Variants in ZNF667 observed in about 807,000 individuals in gnomAD.
ZNF667 encodes zinc finger protein 667.
A neutral mutation model predicts 31.8 loss-of-function variants in ZNF667; 13 were observed. The observed-to-expected ratio is 0.41, with a 90% CI of 0.27 to 0.65. The LOEUF is 0.65. Among genes scored for constraint, ZNF667 ranks in the 30% least tolerant of loss-of-function variants. The pLI is 0.32. For missense variants in ZNF667, 642 were observed against 725.6 expected (o/e 0.88, Z 1.32); for synonymous variants, 228 against 247.1 (o/e 0.92, Z 0.73).
intron 6 of ZNF667, among the ~76,000 whole-genome samples, chr19:56,452,828 G>A (rs1398937362): frequency 6.6e-6 from 1 of 151,766 alleles, no homozygotes; most frequent in Non-Finnish European, 1.5e-5. Flanking sequence ...GCTGAGGCAG[G>A]AGAATTGCAT....
rs759046058 is a variant in ZNF667 at position 56,442,104 on chromosome 19, A to C, written c.891T>G (p.Val297=). The change falls in exon 7 of 7, where the codon GTT becomes GTG. Residue 297 remains valine (V), a synonymous_variant. Coordinates refer to ENST00000504904, the MANE Select transcript of ZNF667 (RefSeq NM_001321356.2). ...CTCCAGCATGAATTCTTTTATGTAC[A>C]ACAAAGACTGATTTCTTTTTGAAGC... ...GRGFKKKSVF[V]VHKRIHAGEK... is the part of the protein sequence containing the mutation. 1 of 1,613,848 alleles carries C rather than the reference A, an allele frequency of 6.2e-7. No homozygotes were observed. Among genetic ancestry groups the C allele is most frequent in the Non-Finnish European group, 8.5e-7 (1 of 1,179,944 alleles).
chr19:56,467,193 G>T, intron 3 of ZNF667: 1 of 368,604 alleles, frequency 2.7e-6, no homozygotes, highest in Non-Finnish European at 5.4e-6. Context: ...GCCTGGGAAT[G>T]GGGTGGGGGG....
chr19:56,459,272 C>T (rs1003889386), intron 5 of ZNF667, among the ~76,000 whole-genome samples: 2 of 152,316 alleles, frequency 1.3e-5, no homozygotes, highest in Non-Finnish European at 2.9e-5. Flanking sequence ...TCAGAAACTC[C>T]TGAGGCTGGT....
upstream of ZNF667, chr19:56,477,372 T>G (rs371706543): frequency 6.6e-6 from 1 of 151,640 alleles, no homozygotes; most frequent in African/African-American, 2.4e-5. Flanking sequence ...GACCGCGCGC[T>G]GCACCCCCCT....
chr19:56,451,868 C>CAAAAAAAAAAAAAAAAAAAAAA, intron 6 of ZNF667, among the ~76,000 whole-genome samples: 1 of 80,976 alleles, frequency 1.2e-5, no homozygotes, highest in Non-Finnish European at 2.2e-5. Flanking sequence ...GACCCTGTCT[C>CAAAAAAAAAAAAAAAAAAAAAA]AAAAAAAAAA....
Position 56,441,363 on chromosome 19 carries a change from T to C in ZNF667, c.1632A>G (p.Leu544=), listed in dbSNP as rs61740674. The part of the protein sequence containing the change: ...KAFSQRTSLI[L]HERSHTGEKP... The stretch of plus-strand genomic sequence containing the variant: ...TCTCTCCAGTATGACTTCTTTCATG[T>C]AGAATAAGAGATGTGCGCTGACTAA... Residue 544 remains leucine, a synonymous_variant, in exon 7 of 7, where the codon CTA becomes CTG. Transcript: ENST00000504904. The surrounding 1 kb of genome is among the most constrained non-coding windows in gnomAD (Gnocchi z 4.2). 3.4e-4 allele frequency: 541 copies of C among 1,614,194 alleles called. 3 individuals are homozygous for C. In the African/African-American group the frequency reaches 6.0e-3, roughly 18 times the overall value.
chr19:56,462,935 A>G (rs1394808205), intron 3 of ZNF667, among the ~76,000 whole-genome samples: 1 of 152,190 alleles, frequency 6.6e-6, no homozygotes, highest in Admixed American at 6.5e-5. Flanking sequence ...CATTGAGCTG[A>G]GGTCTAAATA....
chr19:56,461,387 T>C (rs2043041558), intron 4 of ZNF667, among the ~76,000 whole-genome samples: 1 of 152,214 alleles, frequency 6.6e-6, no homozygotes, highest in Admixed American at 6.5e-5. Context: ...GGACTTGACC[T>C]GGCCAGTTGG....
rs192410675 is a variant in ZNF667 at position 56,471,036 on chromosome 19, G to A, written c.-60+663C>T. Among the ~76,000 whole-genome samples the A allele has an allele frequency of 7.2e-5, 11 of 152,236 alleles. No homozygotes were observed. In the East Asian group the frequency reaches 2.1e-3, roughly 29 times the overall value. ...ATCCCCAATGTTGGAAGTGGGACCT[G>A]GTGGGAGGTGACTGGATCTTGGGGG... On this transcript the variant is annotated intron_variant, in intron 3 of 6. Transcript: ENST00000504904.
chr19:56,460,146 C>T (rs954887862), intron 5 of ZNF667, among the ~76,000 whole-genome samples: 5 of 152,040 alleles, frequency 3.3e-5, no homozygotes, highest in Admixed American at 6.5e-5. Flanking sequence ...ATCAAAATAA[C>T]AAGAGTGAAA....
chr19:56,451,742 G>A (rs950783286), intron 6 of ZNF667, among the ~76,000 whole-genome samples: 7 of 151,772 alleles, frequency 4.6e-5, no homozygotes. Flanking sequence ...GGTGGCACAT[G>A]CCTGTAGTCC....
upstream of ZNF667, chr19:56,477,630 C>CAAA (rs1275800530): frequency 6.6e-6 from 1 of 152,508 alleles, no homozygotes; most frequent in Non-Finnish European, 1.5e-5. Context: ...CCCTGCTTTT[C>CAAA]ATCCTCTCAG....
intron 6 of ZNF667, among the ~76,000 whole-genome samples, chr19:56,446,709 A>T (rs941987396): frequency 6.6e-6 from 1 of 152,210 alleles, no homozygotes. Flanking sequence ...CCAGAAAACA[A>T]CCAGACAAAA....
At position 56,441,136 on chromosome 19, in the gene ZNF667, G is replaced by A. The variant is rs372182114; in HGVS notation, c.*26C>T. ...TGCCATATGTTTGATAGCCTCATTC[G>A]TTGATTTTATAGATTTAAAACAACC... On this transcript the variant is annotated 3_prime_UTR_variant, in exon 7 of 7. Transcript: ENST00000504904. The surrounding 1 kb of genome is among the most constrained non-coding windows in gnomAD (Gnocchi z 4.2). 6.9e-5 allele frequency: 109 copies of A among 1,569,930 alleles called. No homozygotes were observed. Among genetic ancestry groups the A allele is most frequent in the Middle Eastern group, 1.7e-4 (1 of 5,838 alleles).
At chr19:56,470,353 A>C (rs927637425) in intron 3 of ZNF667, among the ~76,000 whole-genome samples, 4 of 152,230 alleles carry the variant, frequency 2.6e-5, no homozygotes, top group African/African-American at 9.6e-5. Context: ...CCTGGGCAGC[A>C]GCGTCACCTC....
At chr19:56,458,382 T>G (rs2042977357) in intron 5 of ZNF667, 135 bp from the exon 6 acceptor site, 1 of 693,508 alleles carries the variant, frequency 1.4e-6, no homozygotes, top group Non-Finnish European at 2.6e-6. Context: ...AGCTGGAGAA[T>G]GGGGAGTGTG....
At chr19:56,462,202 G>A (rs961245701) in intron 4 of ZNF667, 136 bp downstream of exon 4, 18 of 1,101,188 alleles carry the variant, frequency 1.6e-5, no homozygotes, top group Admixed American at 5.5e-5. Context: ...ATCCCTCATG[G>A]CAACGGGAGA....
chr19:56,443,914 AC>A (rs1479796729), intron 6 of ZNF667, among the ~76,000 whole-genome samples: 5 of 152,224 alleles, frequency 3.3e-5, no homozygotes, highest in Non-Finnish European at 7.3e-5. Context: ...AGGCTTTAGA[AC>A]TATGCTATCC....
chr19:56,452,614 T>C (rs1451380489), intron 6 of ZNF667, among the ~76,000 whole-genome samples: 3 of 151,536 alleles, frequency 2.0e-5, no homozygotes, highest in Non-Finnish European at 4.4e-5. Flanking sequence ...AGAAATGAAA[T>C]TTAAATTAGA....
Sources: allele counts gnomAD v4.1 joint callset (sites outside exome capture counted in the v4.1 genomes callset), GRCh38; gene constraint gnomAD v4.1.1; non-coding constraint Gnocchi (gnomAD v3.1); transcripts MANE v1.5; gene names NCBI Gene and HGNC (gene_info 2026-07-23, HGNC 2026-07-21).